Variants in HECW2 observed in about 807,000 individuals in gnomAD.
HECW2 encodes the protein HECT, C2 and WW domain containing E3 ubiquitin protein ligase 2.
A neutral mutation model predicts 175.2 loss-of-function variants in HECW2; 61 were observed. That is an observed-to-expected ratio of 0.35 (90% CI 0.28 to 0.43). The LOEUF (loss-of-function observed/expected upper bound fraction) is 0.43, where lower values mean the gene tolerates loss of function less well. Among genes scored for constraint, HECW2 ranks in the 20% least tolerant of loss-of-function variants. HECW2 has a pLI of 1.00. For missense variants in HECW2, 1,524 were observed against 2,000.5 expected, an observed-to-expected ratio of 0.76 and a Z score of 4.54; for synonymous variants, 671 against 731.0, an observed-to-expected ratio of 0.92 and a Z score of 1.32.
intron 19 of HECW2, among the ~76,000 whole-genome samples, chr2:196,246,328 TAA>T (rs1334865800): frequency 6.6e-6 from 1 of 152,170 alleles, no homozygotes; most frequent in East Asian, 1.9e-4. Context: ...AAATCATTGA[TAA>T]GAGAGAGAAA....
At chr2:196,468,717 C>G (rs1697062885) in intron 1 of HECW2, among the ~76,000 whole-genome samples, 1 of 152,062 alleles carries the variant, frequency 6.6e-6, no homozygotes, top group Admixed American at 6.6e-5. Context: ...GAATGAAGGT[C>G]TGAGGTGTGT....
At chr2:196,276,692 G>T (rs1246696004) in intron 15 of HECW2, among the ~76,000 whole-genome samples, 1 of 152,176 alleles carries the variant, frequency 6.6e-6, no homozygotes, top group Non-Finnish European at 1.5e-5. Context: ...TGACAGCAAG[G>T]TAAAGATTTA....
rs527485090 is a variant in HECW2, at chr2:196,264,565, G to C, written c.3335+6628C>G. On this transcript the variant is annotated intron_variant, in intron 17 of 28. Coordinates refer to ENST00000644978, the MANE Select transcript of HECW2 (RefSeq NM_001348768.2). ...TTTCAAAGTTACATCAGAGAACAATGTTTATCAGAAAATAATTTAACAAAT... is the reference window on the plus strand; with the variant it reads ...TTTCAAAGTTACATCAGAGAACAATCTTTATCAGAAAATAATTTAACAAAT... Among the ~76,000 whole-genome samples, 3 of 152,284 alleles carry C rather than the reference G, an allele frequency of 2.0e-5. No individual in the cohort carries two copies. The East Asian group carries it at 5.8e-4, about 29-fold the overall frequency.
At chr2:196,388,624 T>C (rs965109142) in intron 2 of HECW2, among the ~76,000 whole-genome samples, 3 of 152,214 alleles carry the variant, frequency 2.0e-5, no homozygotes, top group South Asian at 2.1e-4. Flanking sequence ...GTAACTGCTA[T>C]GCTATGCTAC....
intron 14 of HECW2, among the ~76,000 whole-genome samples, chr2:196,281,433 T>C (rs2105995588): frequency 6.6e-6 from 1 of 151,790 alleles, no homozygotes; most frequent in Admixed American, 6.6e-5. Context: ...AGCTCAGAAG[T>C]TCAAGGCCAG....
At chr2:196,256,047 T>C (rs1054345282) in intron 18 of HECW2, among the ~76,000 whole-genome samples, 3 of 152,162 alleles carry the variant, frequency 2.0e-5, no homozygotes, top group Non-Finnish European at 4.4e-5. Context: ...CACTCCAGCC[T>C]GGGCAACAGA....
chr2:196,494,308 A>G (rs1687303960), intron 1 of HECW2, among the ~76,000 whole-genome samples: 1 of 152,206 alleles, frequency 6.6e-6, no homozygotes, highest in African/African-American at 2.4e-5. Context: ...TCCAGCCACA[A>G]AGTGATATGA....
At chr2:196,393,042 C>A (rs1027712546) in intron 2 of HECW2, among the ~76,000 whole-genome samples, 7 of 152,244 alleles carry the variant, frequency 4.6e-5, no homozygotes, top group East Asian at 1.9e-4. Flanking sequence ...CTGACAAAAA[C>A]AAGAAATGGG....
At chr2:196,420,764 A>G (rs1288412147) in intron 2 of HECW2, among the ~76,000 whole-genome samples, 4 of 152,016 alleles carry the variant, frequency 2.6e-5, no homozygotes, top group East Asian at 3.8e-4. Context: ...TCATCTTCAA[A>G]TTGTTTATTT....
chr2:196,205,975 G>T (rs1559433499), intron 28 of HECW2, among the ~76,000 whole-genome samples: 1 of 152,106 alleles, frequency 6.6e-6, no homozygotes. Context: ...CCATCAACTT[G>T]CTCTATGAGC....
chr2:196,418,878 G>A (rs1442703705), intron 2 of HECW2, among the ~76,000 whole-genome samples: 2 of 152,158 alleles, frequency 1.3e-5, no homozygotes, highest in Non-Finnish European at 2.9e-5. Context: ...ACATTGTAAA[G>A]TTCTAACATT....
chr2:196,567,701 A>G (rs887191325), intron 1 of HECW2, among the ~76,000 whole-genome samples: 1 of 152,250 alleles, frequency 6.6e-6, no homozygotes, highest in Admixed American at 6.5e-5. Flanking sequence ...CATTATCACA[A>G]AGAAATCCTG....
intron 2 of HECW2, among the ~76,000 whole-genome samples, chr2:196,352,960 A>G (rs543710032): frequency 9.6e-4 from 147 of 152,338 alleles, no homozygotes; most frequent in African/African-American, 3.4e-3. Flanking sequence ...ATATAGAAAC[A>G]TGTCTCTCTT....
chr2:196,291,629 C>T (rs955964294), intron 14 of HECW2: 1 of 152,226 alleles, frequency 6.6e-6, no homozygotes, highest in Non-Finnish European at 1.5e-5. Context: ...TTACTCAATA[C>T]TTGCAGAGCA....
chr2:196,306,347 A>G (rs1691260865), intron 13 of HECW2, 141 bp downstream of exon 13: 4 of 786,476 alleles, frequency 5.1e-6, no homozygotes, highest in Non-Finnish European at 7.6e-6. Context: ...GTTAAAGTGT[A>G]CAGTGCTCAA....
chr2:196,429,278 G>A (rs1199511767), intron 2 of HECW2, among the ~76,000 whole-genome samples: 4 of 152,106 alleles, frequency 2.6e-5, no homozygotes, highest in African/African-American at 9.7e-5. Flanking sequence ...AGGACTTACT[G>A]CTCACAATGA....
At chr2:196,534,270 G>T (rs960289337) in intron 1 of HECW2, among the ~76,000 whole-genome samples, 1 of 143,106 alleles carries the variant, frequency 7.0e-6, no homozygotes, top group Admixed American at 6.8e-5. Flanking sequence ...CAGGGCCTCC[G>T]TTTTTGTGCA....
At chr2:196,245,552 G>A (rs1404296227) in intron 19 of HECW2, among the ~76,000 whole-genome samples, 4 of 152,182 alleles carry the variant, frequency 2.6e-5, no homozygotes, top group South Asian at 2.1e-4. Flanking sequence ...AGGGCCACAC[G>A]TGTGGATGAG....
intron 18 of HECW2, among the ~76,000 whole-genome samples, chr2:196,255,855 C>T (rs1321097448): frequency 6.6e-6 from 1 of 152,188 alleles, no homozygotes; most frequent in Non-Finnish European, 1.5e-5. Flanking sequence ...GGCGGATTGC[C>T]TGAGCTCAGG....
Sources: allele counts gnomAD v4.1 joint callset (sites outside exome capture counted in the v4.1 genomes callset), GRCh38; gene constraint gnomAD v4.1.1; transcripts MANE v1.5; gene names NCBI Gene and HGNC (gene_info 2026-07-23, HGNC 2026-07-21).